The following PAPLN variants were observed in gnomAD, a reference collection of about 807,000 sequenced individuals.
The protein encoded by PAPLN is papilin, proteoglycan like sulfated glycoprotein.
PAPLN carries 146 observed loss-of-function variants against 159.0 expected under a neutral mutation model. The observed-to-expected ratio is 0.92, with a 90% CI of 0.80 to 1.05. PAPLN has a LOEUF of 1.05. PAPLN is among the 50% of genes least tolerant of loss of function. PAPLN has a pLI of 0.00. For synonymous variants in PAPLN, 734 were observed against 702.9 expected, an observed-to-expected ratio of 1.04 and a Z score of -0.70; for missense variants, 1,720 against 1,743.9, an observed-to-expected ratio of 0.99 and a Z score of 0.24.
intron 20 of PAPLN, 144 bp from the exon 21 acceptor site, chr14:73,264,067 A>G (rs2140296067): frequency 6.7e-7 from 1 of 1,497,228 alleles, no homozygotes; most frequent in East Asian, 2.4e-5. Flanking sequence ...GCCTCCCCTG[A>G]AGCATATTCC....
intron 11 of PAPLN, among the ~76,000 whole-genome samples, chr14:73,253,411 C>T (rs1012053616): frequency 2.0e-5 from 3 of 152,208 alleles, no homozygotes; most frequent in Non-Finnish European, 4.4e-5. Flanking sequence ...GTGAGCACAG[C>T]CTCTCCAGGA....
intron 7 of PAPLN, 26 bp from the exon 8 acceptor site, chr14:73,251,460 C>T: frequency 6.3e-7 from 1 of 1,597,936 alleles, no homozygotes; most frequent in South Asian, 1.1e-5. Flanking sequence ...GCCCAGCACA[C>T]CCAGCACCTG....
intron 5 of PAPLN, among the ~76,000 whole-genome samples, chr14:73,246,397 ATTT>A (rs531973214): frequency 6.0e-4 from 51 of 84,644 alleles, no homozygotes; most frequent in African/African-American, 2.1e-3. Flanking sequence ...TACCCGACCA[ATTT>A]TTTTTTTTTT....
intron 5 of PAPLN, among the ~76,000 whole-genome samples, chr14:73,249,207 C>G (rs1485370580): frequency 6.6e-6 from 1 of 152,104 alleles, no homozygotes; most frequent in Non-Finnish European, 1.5e-5. Flanking sequence ...TCATTTTAGC[C>G]CCTTTCACAT....
chr14:73,246,338 C>T (rs1449586845), intron 5 of PAPLN, among the ~76,000 whole-genome samples, 163 bp downstream of exon 5: 4 of 151,184 alleles, frequency 2.6e-5, no homozygotes, highest in Admixed American at 1.3e-4. Flanking sequence ...TCAAGGGATC[C>T]GCCGGCAGCG....
chr14:73,239,384 TA>T, intron 1 of PAPLN, among the ~76,000 whole-genome samples: 1 of 152,392 alleles, frequency 6.6e-6, no homozygotes, highest in Non-Finnish European at 1.5e-5. Flanking sequence ...TAGGAGTTTT[TA>T]AACATCTGAT....
chr14:73,251,643 G>A (rs759132692), intron 8 of PAPLN, 21 bp from the exon 9 acceptor site: 3 of 1,613,562 alleles, frequency 1.9e-6, no homozygotes, highest in Non-Finnish European at 2.5e-6. Context: ...CTGGCTGACT[G>A]AGGCGGTCTC....
In PAPLN at chr14:73,265,971, A is replaced by C. The variant is rs931449748; in HGVS notation, c.3263+464A>C. Reference sequence around the variant, plus strand: ...GTATTTGAGCCCATTAAATGAGTATAGCAAAAACTAGAAACCCAAACCGAA... The same window carrying C: ...GTATTTGAGCCCATTAAATGAGTATCGCAAAAACTAGAAACCCAAACCGAA... On this transcript the variant is annotated intron_variant, in intron 23 of 26. Coordinates refer to ENST00000644200, the MANE Select transcript of PAPLN (RefSeq NM_001365906.3). This position sits in a 1 kb window ranked among gnomAD's most constrained non-coding sequence, Gnocchi z 4.1. Among the ~76,000 whole-genome samples the C allele has an allele frequency of 3.9e-5, 6 of 152,238 alleles. No individual in the cohort carries two copies. Among genetic ancestry groups the C allele is most frequent in the African/African-American group, 1.4e-4 (6 of 41,468 alleles).
In PAPLN at chr14:73,246,086, G is replaced by T; in HGVS notation, c.245G>T (p.Gly82Val). 6.4e-7 allele frequency: 1 copy of T among 1,564,514 alleles called. No homozygotes were observed. Among genetic ancestry groups the T allele is most frequent in the East Asian group, 2.5e-5 (1 of 40,176 alleles). The change falls in exon 5 of 27, where the codon GGC (glycine) becomes GTC (valine). Residue 82 changes from glycine to valine, a missense_variant. By Grantham distance (109) the Gly-to-Val change is moderately radical. Transcript: ENST00000644200. ...RSCRTESCPD[G>V]ARDFRAEQCA... The stretch of plus-strand genomic sequence containing the variant: ...TCCGCCCCGCAGAGCTGCCCCGACG[G>T]CGCCCGGGACTTCCGGGCCGAGCAG...
chr14:73,246,697 A>C (rs1884421145), intron 5 of PAPLN: 1 of 126,964 alleles, frequency 7.9e-6, no homozygotes. Context: ...CAGCAGTGTC[A>C]TGTCAGCTGG....
chr14:73,266,927 G>A (rs1887273093), intron 25 of PAPLN, 96 bp downstream of exon 25: 1 of 1,216,032 alleles, frequency 8.2e-7, no homozygotes, highest in Admixed American at 2.0e-5. Context: ...TGTCACCACT[G>A]CTTCCATTCC....
chr14:73,248,714 C>T (rs1053856122), intron 5 of PAPLN, among the ~76,000 whole-genome samples: 5 of 152,142 alleles, frequency 3.3e-5, no homozygotes, highest in South Asian at 4.1e-4. Flanking sequence ...CCCAGCTATT[C>T]GAGAAGCTGA....
intron 1 of PAPLN, among the ~76,000 whole-genome samples, chr14:73,239,154 A>G (rs144762867): frequency 6.6e-6 from 1 of 151,984 alleles, no homozygotes; most frequent in East Asian, 1.9e-4. Flanking sequence ...ACTACACTGT[A>G]CTGCACACTG....
At position 73,253,744 on chromosome 14, in the gene PAPLN, C is replaced by T. The variant is rs757742550; in HGVS notation, c.1095-10C>T. On this transcript the variant is annotated splice_polypyrimidine_tract_variant and intron_variant, in intron 11 of 26. Transcript: ENST00000644200. ...CTGGGCCAGCCTTACCTGATTCCCC[C>T]TCCTGCCAGCTGGAAGGCAGGGCCA... The T allele has an allele frequency of 1.9e-6, 3 of 1,585,466 alleles. No homozygotes were observed. The East Asian group carries it at 6.8e-5, about 36-fold the overall frequency.
intron 25 of PAPLN, chr14:73,268,313 A>G (rs1258855767): frequency 9.1e-6 from 4 of 439,470 alleles, no homozygotes; most frequent in African/African-American, 2.0e-5. Context: ...CAAATTTGAA[A>G]TAGCAGAAAA....
chr14:73,254,164 C>CTAGGG (rs1411032427), intron 12 of PAPLN, among the ~76,000 whole-genome samples: 1 of 152,138 alleles, frequency 6.6e-6, no homozygotes. Context: ...CTCCAGGATC[C>CTAGGG]CAGGGCAGGG....
rs187906644 is a variant in PAPLN, at chr14:73,252,262, G to A, written c.967+121G>A. 234 of 1,382,904 alleles carry A rather than the reference G, an allele frequency of 1.7e-4. 2 individuals are homozygous for A. In the African/African-American group the frequency reaches 3.2e-3, roughly 19 times the overall value. 85.7% of individuals were successfully genotyped at this position (1,382,904 alleles called of 1,614,324 possible). On this transcript the variant is annotated intron_variant, in intron 10 of 26. Coordinates refer to ENST00000644200, the MANE Select transcript of PAPLN (RefSeq NM_001365906.3). The stretch of plus-strand genomic sequence containing the variant: ...CCCTCCTGGGGAGATGGACAAGTAG[G>A]CGAGAAATCTCTGTGTTATGGGGGT...
chr14:73,240,895 C>T (rs1883470431), intron 2 of PAPLN, among the ~76,000 whole-genome samples: 1 of 152,158 alleles, frequency 6.6e-6, no homozygotes, highest in African/African-American at 2.4e-5. Context: ...TGTCCTGCCC[C>T]AGGAGAAATC....
intron 5 of PAPLN, 69 bp from the exon 6 acceptor site, chr14:73,249,915 A>G (rs1885043128): frequency 1.3e-6 from 2 of 1,492,220 alleles, no homozygotes; most frequent in Admixed American, 2.1e-5. Context: ...TTGCTAGGGT[A>G]AGCCTTGGGT....
Sources: gnomAD v4.1 joint callset for allele counts (sites outside exome capture counted in the v4.1 genomes callset) on GRCh38, gnomAD v4.1.1 for gene constraint, Gnocchi (gnomAD v3.1) non-coding constraint, MANE v1.5 for transcripts, NCBI Gene and HGNC (gene_info 2026-07-23, HGNC 2026-07-21) for gene names.